The following CNR2 variants were observed in gnomAD, a reference collection of about 807,000 sequenced individuals.
CNR2 encodes the protein cannabinoid receptor 2, also known as cannabinoid receptor 2 (macrophage).
For missense variants in CNR2, 379 were observed against 439.9 expected (o/e 0.86, Z 1.24); for synonymous variants, 172 against 182.2 (o/e 0.94, Z 0.45).
At chr1:23,899,622 C>G (rs1424107641) in intron 1 of CNR2, among the ~76,000 whole-genome samples, 1 of 149,898 alleles carries the variant, frequency 6.7e-6, no homozygotes, top group East Asian at 2.0e-4. Flanking sequence ...TAAGACCAGC[C>G]TGGCCAACAT....
At chr1:23,911,172 G>A (rs1238637915) in intron 1 of CNR2, among the ~76,000 whole-genome samples, 1 of 148,014 alleles carries the variant, frequency 6.8e-6, no homozygotes, top group Non-Finnish European at 1.5e-5. Flanking sequence ...GGGGTGGGGA[G>A]AGAAGAGTGT....
chr1:23,894,201 G>A (rs7537224), intron 1 of CNR2, among the ~76,000 whole-genome samples: 123,198 of 150,644 alleles, frequency 0.82, 50,498 homozygotes, highest in Admixed American at 0.84. Context: ...TGGGTGGATC[G>A]CCAGAGGTCA....
chr1:23,883,003 G>C (rs1640019366), intron 1 of CNR2, among the ~76,000 whole-genome samples: 1 of 152,112 alleles, frequency 6.6e-6, no homozygotes, highest in African/African-American at 2.4e-5. Context: ...AACTGACAAA[G>C]TCAAAGCTGG....
chr1:23,901,710 A>G, intron 1 of CNR2: 1 of 1,419,446 alleles, frequency 7.0e-7, no homozygotes, highest in Non-Finnish European at 1.0e-6. Context: ...GATCTGTCCG[A>G]CATGAATTTG....
intron 1 of CNR2, among the ~76,000 whole-genome samples, chr1:23,884,911 C>T (rs559690422): frequency 5.3e-5 from 8 of 151,856 alleles, no homozygotes; most frequent in South Asian, 2.1e-4. Context: ...AGCGGTTCTC[C>T]GGCCTCAGCC....
rs1325535968 is a variant in CNR2 at position 23,873,602 on chromosome 1, T to C, written c.*933A>G. Reference sequence around the variant, plus strand: ...TCAATAGACTGAAATGTCAGCCCCATACCTGGCATATAGGAAGGACATTTC... The same window carrying C: ...TCAATAGACTGAAATGTCAGCCCCACACCTGGCATATAGGAAGGACATTTC... On this transcript the variant is annotated 3_prime_UTR_variant, in exon 2 of 2. Coordinates refer to ENST00000374472, the MANE Select transcript of CNR2 (RefSeq NM_001841.3). 4.6e-5 allele frequency: 7 copies of C among 152,158 alleles called. No homozygotes were observed. The highest frequency in any genetic ancestry group is 2.6e-4 in the Admixed American group (4 of 15,252). The allele number at this position is 152,158 out of a possible 1,614,324, so 9.4% of individuals were successfully genotyped here.
In CNR2 at chr1:23,875,345, A is replaced by G. The variant is rs1265415144; in HGVS notation, c.273T>C (p.Phe91=). 5 of 1,614,244 alleles carry G rather than the reference A, an allele frequency of 3.1e-6. No homozygotes were observed. The highest frequency in any genetic ancestry group is 4.2e-6 in the Non-Finnish European group (5 of 1,180,040). The stretch of plus-strand genomic sequence containing the variant: ...CACCATGGAAAACATGGAAATTCAC[A>G]AAGCTGCATGCAAAGACCACACTGG... ...FLASVVFACS[F]VNFHVFHGVD... The change falls in exon 2 of 2, where the codon TTT becomes TTC. Residue 91 remains phenylalanine (F), a synonymous_variant. Coordinates refer to ENST00000374472, the MANE Select transcript of CNR2 (RefSeq NM_001841.3).
Position 23,891,663 on chromosome 1 carries a change from A to C in CNR2, c.-45-16001T>G, listed in dbSNP as rs16828947. Among the ~76,000 whole-genome samples, 1,310 of 149,282 alleles carry C rather than the reference A, an allele frequency of 8.8e-3. 14 individuals are homozygous for C. The highest frequency in any genetic ancestry group is 0.031 in the Middle Eastern group (9 of 286). ...AGCCCAAATCTTACCTCTTTTTATA[A>C]CTACTTTGATAGCAAAACCCACCTC... On this transcript the variant is annotated intron_variant, in intron 1 of 1. Transcript: ENST00000374472.
At chr1:23,885,260 C>T (rs1047982614) in intron 1 of CNR2, among the ~76,000 whole-genome samples, 6 of 145,856 alleles carry the variant, frequency 4.1e-5, no homozygotes, top group African/African-American at 1.3e-4. Flanking sequence ...GAAAGACCAC[C>T]ATCTCCTTAA....
intron 1 of CNR2, chr1:23,901,415 G>T: frequency 7.0e-7 from 1 of 1,422,344 alleles, no homozygotes; most frequent in Non-Finnish European, 9.5e-7. Context: ...GAAGCAGTTA[G>T]TGTCCTGATT....
chr1:23,911,691 G>T (rs1381525801), intron 1 of CNR2, among the ~76,000 whole-genome samples: 1 of 152,172 alleles, frequency 6.6e-6, no homozygotes, highest in Admixed American at 6.5e-5. Flanking sequence ...AAGAGAGGGG[G>T]CTGGCGCTGG....
chr1:23,886,295 C>T (rs945265003), intron 1 of CNR2, among the ~76,000 whole-genome samples: 2 of 151,888 alleles, frequency 1.3e-5, no homozygotes, highest in Non-Finnish European at 2.9e-5. Context: ...AGGATAGGTG[C>T]TTCTTGCAAT....
rs148722119 is a variant in CNR2, at chr1:23,908,503, A to T, written c.-46+4743T>A. Among the ~76,000 whole-genome samples, 593 of 152,260 alleles carry T rather than the reference A, an allele frequency of 3.9e-3. 4 individuals are homozygous for T. The highest frequency in any genetic ancestry group is 0.012 in the African/African-American group (514 of 41,548). ...TTACAATAATTATTCACTAATTTTT[A>T]AAAAAATGGAAACAGGCATCAAGAC... On this transcript the variant is annotated intron_variant, in intron 1 of 1. Coordinates refer to ENST00000374472, the MANE Select transcript of CNR2 (RefSeq NM_001841.3).
chr1:23,894,995 G>A (rs932269795), intron 1 of CNR2, among the ~76,000 whole-genome samples: 15 of 151,982 alleles, frequency 9.9e-5, no homozygotes, highest in Admixed American at 8.5e-4. Context: ...TGAGGTGGGC[G>A]GATCACCTGA....
intron 1 of CNR2, among the ~76,000 whole-genome samples, chr1:23,892,253 G>A (rs1640204573): frequency 6.6e-6 from 1 of 152,150 alleles, no homozygotes; most frequent in African/African-American, 2.4e-5. Context: ...AGTGGAGGTG[G>A]GACAGCACTG....
At chr1:23,903,458 C>CA (rs1449923460) in intron 1 of CNR2, among the ~76,000 whole-genome samples, 1 of 151,342 alleles carries the variant, frequency 6.6e-6, no homozygotes, top group Non-Finnish European at 1.5e-5. Flanking sequence ...CCTGTGGTCC[C>CA]AGGCACTTGG....
At chr1:23,902,619 G>T in intron 1 of CNR2, 1 of 1,600,248 alleles carries the variant, frequency 6.2e-7, no homozygotes, top group East Asian at 2.2e-5. Flanking sequence ...GCTGCAGACA[G>T]CCAGGACGTA....
intron 1 of CNR2, among the ~76,000 whole-genome samples, chr1:23,911,639 G>C (rs1640586810): frequency 6.6e-6 from 1 of 152,166 alleles, no homozygotes; most frequent in Non-Finnish European, 1.5e-5. Flanking sequence ...GCACACCCGA[G>C]GGTGTGCAGT....
At chr1:23,907,583 C>T (rs1297980764) in intron 1 of CNR2, among the ~76,000 whole-genome samples, 1 of 151,148 alleles carries the variant, frequency 6.6e-6, no homozygotes, top group Non-Finnish European at 1.5e-5. Context: ...CTCTGCCGCC[C>T]GGGTTCAAGC....
Sources: allele counts gnomAD v4.1 joint callset (sites outside exome capture counted in the v4.1 genomes callset), GRCh38; gene constraint gnomAD v4.1.1; transcripts MANE v1.5; gene names NCBI Gene and HGNC (gene_info 2026-07-23, HGNC 2026-07-21).